The following PLAAT3 variants were observed in gnomAD, a reference collection of about 807,000 sequenced individuals.
PLAAT3 encodes Ca-independent phospholipase A1/2.
A neutral mutation model predicts 16.7 loss-of-function variants in PLAAT3; 21 were observed. The ratio of observed to expected loss-of-function variants is 1.26; its 90% confidence interval spans 0.89 to 1.81. PLAAT3 has a LOEUF of 1.81. Among genes scored for constraint, PLAAT3 ranks in the 40% most tolerant of loss-of-function variants. The pLI is 0.00. For missense variants in PLAAT3, 219 were observed against 213.7 expected (o/e 1.02, Z -0.16); for synonymous variants, 76 against 81.7 (o/e 0.93, Z 0.38).
At chr11:63,612,999 T>C (rs1379701163) in intron 2 of PLAAT3, among the ~76,000 whole-genome samples, 6 of 152,208 alleles carry the variant, frequency 3.9e-5, no homozygotes, top group African/African-American at 1.4e-4. Context: ...AGATACACCC[T>C]GACACCAGGC....
intron 3 of PLAAT3, 133 bp downstream of exon 3, chr11:63,597,928 C>A: frequency 1.5e-6 from 1 of 664,770 alleles, no homozygotes; most frequent in Non-Finnish European, 2.7e-6. Flanking sequence ...TATCAAACTT[C>A]TTGTAACATT....
upstream of PLAAT3, among the ~76,000 whole-genome samples, chr11:63,614,910 G>A (rs928876598): frequency 2.7e-5 from 4 of 149,920 alleles, no homozygotes; most frequent in African/African-American, 7.3e-5. Context: ...AGCTACTCGG[G>A]AGGCTGAGGC....
At chr11:63,614,146 T>C (rs1249982737) in intron 1 of PLAAT3, 78 bp from the exon 2 acceptor site, 1 of 1,286,638 alleles carries the variant, frequency 7.8e-7, no homozygotes, top group African/African-American at 1.5e-5. Flanking sequence ...GCGGCTTCTG[T>C]TGGGCAGGGC....
chr11:63,612,594 C>G (rs549729842), intron 2 of PLAAT3, among the ~76,000 whole-genome samples: 1 of 152,298 alleles, frequency 6.6e-6, no homozygotes, highest in Non-Finnish European at 1.5e-5. Context: ...CATGAATATG[C>G]AAAGATTGAT....
chr11:63,576,343 G>C (rs1283658554), intron 4 of PLAAT3, among the ~76,000 whole-genome samples: 1 of 152,194 alleles, frequency 6.6e-6, no homozygotes, highest in African/African-American at 2.4e-5. Context: ...GAGATGCTCA[G>C]CTGGGTGTGG....
intron 2 of PLAAT3, among the ~76,000 whole-genome samples, chr11:63,606,755 CG>C (rs1938577347): frequency 6.6e-6 from 1 of 150,600 alleles, no homozygotes; most frequent in African/African-American, 2.4e-5. Context: ...CCAACGAGGC[CG>C]GAGTAGGCGT....
chr11:63,590,519 G>A, intron 3 of PLAAT3, 151 bp from the exon 4 acceptor site: 1 of 643,364 alleles, frequency 1.6e-6, no homozygotes, highest in Non-Finnish European at 2.7e-6. Context: ...TGGGCCTTGG[G>A]GAAGGTGTGT....
intron 4 of PLAAT3, among the ~76,000 whole-genome samples, chr11:63,577,066 C>T (rs1038175118): frequency 2.0e-5 from 3 of 152,102 alleles, no homozygotes; most frequent in Non-Finnish European, 2.9e-5. Context: ...AACAAACAGA[C>T]ATTGTTTTTA....
chr11:63,598,190 G>A (rs1158726972), intron 2 of PLAAT3, 27 bp from the exon 3 acceptor site: 6 of 1,486,740 alleles, frequency 4.0e-6, no homozygotes, highest in Non-Finnish European at 5.6e-6. Context: ...AGGGCTGTTA[G>A]AGGGAGCATG....
upstream of PLAAT3, among the ~76,000 whole-genome samples, chr11:63,615,529 T>A (rs2134442539): frequency 6.6e-6 from 1 of 152,024 alleles, no homozygotes; most frequent in South Asian, 2.1e-4. Flanking sequence ...TAAAAGCAGA[T>A]GAAATTTCCA....
At chr11:63,593,449 C>T (rs574863483) in intron 3 of PLAAT3, among the ~76,000 whole-genome samples, 34 of 152,348 alleles carry the variant, frequency 2.2e-4, no homozygotes, top group African/African-American at 7.7e-4. Context: ...GCCAACGTTG[C>T]TGGAGTCTAG....
chr11:63,598,084 T>G lies in PLAAT3; in HGVS notation c.95A>C (p.Tyr32Ser). 1 of 1,612,806 alleles carries G rather than the reference T, an allele frequency of 6.2e-7. No homozygotes were observed. The highest frequency in any genetic ancestry group is 8.5e-7 in the Non-Finnish European group (1 of 1,178,814). The change falls in exon 3 of 5, where the codon TAT becomes TCT. Residue 32 changes from tyrosine (Y) to serine (S), a missense_variant. Tyr to Ser is a moderately radical substitution (Grantham distance 144). Coordinates refer to ENST00000415826, the MANE Select transcript of PLAAT3 (RefSeq NM_001128203.2). ...RHWAIYVGDG[Y>S]VVHLAPPSEV... Reference sequence around the variant, plus strand: ...ACTTGGAGGGGCCAGATGAACCACATATCCATCGCCAACATAGATGGCCCA... The same window carrying G: ...ACTTGGAGGGGCCAGATGAACCACAGATCCATCGCCAACATAGATGGCCCA...
At chr11:63,598,581 G>A (rs914255345) in intron 2 of PLAAT3, 3 of 395,338 alleles carry the variant, frequency 7.6e-6, no homozygotes, top group African/African-American at 6.3e-5. Context: ...AAATGTAAAA[G>A]AATTTGTGCA....
chr11:63,608,315 A>T, intron 2 of PLAAT3: 1 of 152,372 alleles, frequency 6.6e-6, no homozygotes, highest in East Asian at 1.9e-4. Flanking sequence ...GATGGCAGTC[A>T]TGCCTCATTT....
intron 4 of PLAAT3, 92 bp from the exon 5 acceptor site, chr11:63,575,138 A>G (rs2017642314): frequency 1.2e-6 from 1 of 844,368 alleles, no homozygotes; most frequent in African/African-American, 1.7e-5. Flanking sequence ...GGGATACCTC[A>G]CATGCCCCTT....
At chr11:63,611,464 C>A (rs1351522415) in intron 2 of PLAAT3, among the ~76,000 whole-genome samples, 2 of 152,200 alleles carry the variant, frequency 1.3e-5, no homozygotes, top group African/African-American at 4.8e-5. Flanking sequence ...CCAATTAGCA[C>A]ATTTTTATTT....
chr11:63,614,741 C>T (rs1217722235), upstream of PLAAT3, among the ~76,000 whole-genome samples: 1 of 151,816 alleles, frequency 6.6e-6, no homozygotes, highest in Non-Finnish European at 1.5e-5. Context: ...AAGGGCCGGG[C>T]GCGGTGGCTC....
chr11:63,577,352 A>C (rs918854774), intron 4 of PLAAT3, among the ~76,000 whole-genome samples: 1 of 152,090 alleles, frequency 6.6e-6, no homozygotes, highest in Non-Finnish European at 1.5e-5. Flanking sequence ...TTGTATTTTT[A>C]GTACAGATGG....
intron 3 of PLAAT3, among the ~76,000 whole-genome samples, chr11:63,596,957 G>A (rs755289530): frequency 9.2e-5 from 14 of 151,946 alleles, no homozygotes; most frequent in East Asian, 5.8e-4. Flanking sequence ...TTAGTCGGGC[G>A]TGGTGGCAGG....
Sources: gnomAD v4.1 joint callset for allele counts (sites outside exome capture counted in the v4.1 genomes callset) on GRCh38, gnomAD v4.1.1 for gene constraint, MANE v1.5 for transcripts, NCBI Gene and HGNC (gene_info 2026-07-23, HGNC 2026-07-21) for gene names.